TBCD: variants seen among roughly 807,000 people sequenced by gnomAD.
TBCD encodes tubulin-specific chaperone D.
Under a neutral mutation model 169.3 loss-of-function variants are expected in TBCD, and 105 were observed. The ratio of observed to expected loss-of-function variants is 0.62; its 90% CI spans 0.53 to 0.73. TBCD has a LOEUF of 0.73. Among genes scored for constraint, TBCD ranks in the 30% least tolerant of loss-of-function variants. TBCD has a pLI of 0.00. For missense variants in TBCD, 1,444 were observed against 1,600.1 expected, an observed-to-expected ratio of 0.90 and a Z score of 1.66; for synonymous variants, 700 against 643.9, an observed-to-expected ratio of 1.09 and a Z score of -1.32.
At chr17:82,783,445 C>T (rs1227385045) in intron 7 of TBCD, among the ~76,000 whole-genome samples, 1 of 152,204 alleles carries the variant, frequency 6.6e-6, no homozygotes, top group Non-Finnish European at 1.5e-5. Context: ...CGGTCATCAC[C>T]ATTATCTAAC....
intron 23 of TBCD, among the ~76,000 whole-genome samples, chr17:82,917,753 T>C (rs1413501860): frequency 6.6e-6 from 1 of 152,228 alleles, no homozygotes; most frequent in African/African-American, 2.4e-5. Context: ...GTGAGGGCTC[T>C]ACCGCTTCTC....
chr17:82,865,347 T>C (rs980644241), intron 13 of TBCD: 1 of 586,548 alleles, frequency 1.7e-6, no homozygotes, highest in Non-Finnish European at 2.1e-6. Context: ...GCTCGGGCTC[T>C]GCACCGGCAG....
chr17:82,823,475 T>C (rs952404745), intron 13 of TBCD, among the ~76,000 whole-genome samples: 4 of 152,308 alleles, frequency 2.6e-5, no homozygotes, highest in African/African-American at 7.2e-5. Flanking sequence ...TTTGTGTTAA[T>C]GGTGTTTTTT....
intron 2 of TBCD, among the ~76,000 whole-genome samples, chr17:82,758,665 T>C (rs35311374): frequency 8.9e-4 from 125 of 140,390 alleles, no homozygotes; most frequent in Middle Eastern, 3.5e-3. Context: ...TTTTTTCTTT[T>C]TTTTTTTTTT....
intron 15 of TBCD, among the ~76,000 whole-genome samples, chr17:82,888,417 A>G (rs970452561): frequency 6.6e-6 from 1 of 152,268 alleles, no homozygotes; most frequent in Non-Finnish European, 1.5e-5. Flanking sequence ...TACCACTGGA[A>G]TGGTACATGT....
At chr17:82,758,396 A>AAAAT (rs1555672608) in intron 2 of TBCD, among the ~76,000 whole-genome samples, 5 of 123,106 alleles carry the variant, frequency 4.1e-5, no homozygotes, top group African/African-American at 1.4e-4. Context: ...AAAAAAAAAA[A>AAAAT]AAAAAAATAA....
chr17:82,770,036 C>G (rs2048224689), intron 5 of TBCD, among the ~76,000 whole-genome samples: 1 of 152,118 alleles, frequency 6.6e-6, no homozygotes, highest in Non-Finnish European at 1.5e-5. Flanking sequence ...AAATTAATAA[C>G]TTAGTTTACT....
rs1357507155 is a variant in TBCD at position 82,835,961 on chromosome 17, AC to A, written c.1318+21030del. ...ACAACCAGGGAGGGTGTCGGGTGAC[AC>A]CCTGGGCTCAGACCCCGCGCTCAGC... On this transcript the variant is annotated intron_variant, in intron 13 of 38. Coordinates refer to ENST00000355528, the MANE Select transcript of TBCD (RefSeq NM_005993.5). This position sits in a 1 kb window ranked among gnomAD's most constrained non-coding sequence, Gnocchi z 4.5. Among the ~76,000 whole-genome samples the A allele has an allele frequency of 6.6e-6, 1 of 152,100 alleles. No homozygotes were observed. Among genetic ancestry groups the A allele is most frequent in the Non-Finnish European group, 1.5e-5 (1 of 68,010 alleles).
At chr17:82,825,953 G>A (rs1251960356) in intron 13 of TBCD, among the ~76,000 whole-genome samples, 2 of 152,220 alleles carry the variant, frequency 1.3e-5, no homozygotes, top group Non-Finnish European at 2.9e-5. Flanking sequence ...GCCAGTGAGC[G>A]AGACCCTGTC....
chr17:82,805,370 T>C (rs1269541138), intron 9 of TBCD, among the ~76,000 whole-genome samples: 9 of 152,080 alleles, frequency 5.9e-5, no homozygotes, highest in Admixed American at 5.9e-4. Context: ...AGGTTCCCCA[T>C]GTGGGTGTGA....
In TBCD at chr17:82,859,772, G is replaced by A. The variant is rs797019944; in HGVS notation, c.1319-10452G>A. ...GCTGCCCAGACTCACCCTGAATAAAGTGTCTTCAGAGCCACCTGTCCTGCC... is the reference window on the plus strand; with the variant it reads ...GCTGCCCAGACTCACCCTGAATAAAATGTCTTCAGAGCCACCTGTCCTGCC... On this transcript the variant is annotated intron_variant, in intron 13 of 38. Transcript: ENST00000355528. 5.1e-6 allele frequency: 5 copies of A among 985,458 alleles called. No homozygotes were observed. The African/African-American group carries it at 8.7e-5, about 17-fold the overall frequency. The allele number at this position is 985,458 out of a possible 1,614,324, so 61.0% of individuals were successfully genotyped here.
chr17:82,868,032 A>G (rs1252616547), intron 13 of TBCD, among the ~76,000 whole-genome samples: 1 of 152,138 alleles, frequency 6.6e-6, no homozygotes, highest in Non-Finnish European at 1.5e-5. Flanking sequence ...GGCCTTCCAC[A>G]GTGAGTTGTG....
At chr17:82,781,846 G>A (rs572550940) in intron 7 of TBCD, 125 bp downstream of exon 7, 11 of 1,446,244 alleles carry the variant, frequency 7.6e-6, no homozygotes, top group Admixed American at 6.0e-5. Flanking sequence ...TGATTTAACC[G>A]GGCCAGGGTC....
intron 23 of TBCD, among the ~76,000 whole-genome samples, chr17:82,912,840 G>C (rs2060742389): frequency 6.6e-6 from 1 of 152,262 alleles, no homozygotes; most frequent in African/African-American, 2.4e-5. Flanking sequence ...CAGCCAGCTT[G>C]CATTTCTGCT....
rs565214043 is a variant in TBCD at position 82,839,502 on chromosome 17, G to T, written c.1318+24568G>T. Among the ~76,000 whole-genome samples the T allele has an allele frequency of 2.0e-3, 293 of 149,122 alleles. 1 individual carries two copies. The highest frequency in any genetic ancestry group is 6.6e-3 in the African/African-American group (263 of 39,906). On this transcript the variant is annotated intron_variant, in intron 13 of 38. Coordinates refer to ENST00000355528, the MANE Select transcript of TBCD (RefSeq NM_005993.5). ...ACACATATATATAACCCTAAATTCA[G>T]CCCTAATGTACATACACCACACATA...
chr17:82,933,606 T>G (rs890335527), intron 34 of TBCD, among the ~76,000 whole-genome samples: 3 of 145,586 alleles, frequency 2.1e-5, no homozygotes, highest in Admixed American at 7.0e-5. Flanking sequence ...GGTCTGTTTT[T>G]GGGGGCACTG....
chr17:82,772,483 A>G lies in TBCD; in HGVS notation c.614A>G (p.Asp205Gly), dbSNP rs770581827. ...TTGATTGTCAGTGACAAGGCCCGAG[A>G]TGCAGCTGCTGTCCTTGTGTCCAGG... The part of the protein sequence containing the change: ...SYLIVSDKAR[D>G]AAAVLVSRFI... The change falls in exon 6 of 39, where the codon GAT becomes GGT. Residue 205 changes from aspartate (D) to glycine (G), a missense_variant. Asp to Gly is a moderately conservative substitution (Grantham distance 94). Transcript: ENST00000355528. 1 of 1,613,738 alleles carries G rather than the reference A, an allele frequency of 6.2e-7. No homozygotes were observed. The highest frequency in any genetic ancestry group is 1.1e-5 in the South Asian group (1 of 91,062).
At chr17:82,842,025 G>A (rs2054565438) in intron 13 of TBCD, among the ~76,000 whole-genome samples, 1 of 152,246 alleles carries the variant, frequency 6.6e-6, no homozygotes, top group African/African-American at 2.4e-5. Context: ...GATTGTCAGG[G>A]TGTCCCTTCT....
chr17:82,815,018 G>T, intron 13 of TBCD, 84 bp downstream of exon 13: 2 of 1,578,786 alleles, frequency 1.3e-6, no homozygotes. Flanking sequence ...ATCTCGACTC[G>T]TGGATGGTGA....
Sources: allele counts gnomAD v4.1 joint callset (sites outside exome capture counted in the v4.1 genomes callset), GRCh38; gene constraint gnomAD v4.1.1; non-coding constraint Gnocchi (gnomAD v3.1); transcripts MANE v1.5; gene names NCBI Gene and HGNC (gene_info 2026-07-23, HGNC 2026-07-21).